ZNF808: variants seen among roughly 807,000 people sequenced by gnomAD.
ZNF808 encodes zinc finger protein 808.
Under a neutral mutation model 8.7 loss-of-function variants are expected in ZNF808, and 5 were observed. The observed-to-expected ratio is 0.58, with a 90% CI of 0.30 to 1.21. The LOEUF is 1.21. Among genes scored for constraint, ZNF808 ranks in the 50% most tolerant of loss-of-function variants. The pLI, the probability that ZNF808 is intolerant of heterozygous loss-of-function variation, is 0.07. For synonymous variants in ZNF808, 380 were observed against 366.0 expected, an observed-to-expected ratio of 1.04 and a Z score of -0.44; for missense variants, 1,103 against 1,098.4, an observed-to-expected ratio of 1.00 and a Z score of -0.06.
At chr19:52,566,556 G>T (rs1170308982), downstream of ZNF808, among the ~76,000 whole-genome samples, 1 of 152,108 alleles carries the variant, frequency 6.6e-6, no homozygotes, top group Non-Finnish European at 1.5e-5. Flanking sequence ...TAATTACATA[G>T]ATACACAAAA....
rs771661300 is a variant in ZNF808, at chr19:52,555,045, A to T, written c.2129A>T (p.Asn710Ile). 6.2e-7 allele frequency: 1 copy of T among 1,614,000 alleles called. No individual in the cohort carries two copies. The highest frequency in any genetic ancestry group is 1.1e-5 in the South Asian group (1 of 91,078). ...IHSGMKPYKC[N>I]ECSKTFSNRS... ...AGTGGAATGAAACCTTACAAGTGTA[A>T]TGAGTGCAGCAAGACCTTCAGTAAC... Residue 710 changes from asparagine (N) to isoleucine (I), a missense_variant, in exon 5 of 5, where the codon AAT becomes ATT. Asn to Ile is a moderately radical substitution (Grantham distance 149). Coordinates refer to ENST00000359798, the MANE Select transcript of ZNF808 (RefSeq NM_001039886.4).
chr19:52,561,411 C>T (rs926923872), intron 3 of ZNF808, among the ~76,000 whole-genome samples: 1 of 151,938 alleles, frequency 6.6e-6, no homozygotes, highest in Admixed American at 6.6e-5. Flanking sequence ...TGGCAGACTA[C>T]TGTGCTTAAA....
Position 52,553,857 on chromosome 19 carries a change from C to G in ZNF808, c.941C>G (p.Pro314Arg). The change falls in exon 5 of 5, where the codon CCT becomes CGT. Residue 314 changes from proline to arginine, a missense_variant. Physicochemically the swap from Pro to Arg is moderately radical, Grantham distance 103. Coordinates refer to ENST00000359798, the MANE Select transcript of ZNF808 (RefSeq NM_001039886.4). ...CHHRLHTGVK[P>R]YKCNECGKVF... ...CATAGACTTCATACTGGAGTAAAAC[C>G]TTACAAGTGTAATGAGTGTGGCAAG... The G allele has an allele frequency of 6.2e-7, 1 of 1,614,094 alleles. No homozygotes were observed. Among genetic ancestry groups the G allele is most frequent in the African/African-American group, 1.3e-5 (1 of 75,014 alleles).
At chr19:52,537,354 TGA>T (rs1054767348) in intron 2 of ZNF808, among the ~76,000 whole-genome samples, 2 of 145,164 alleles carry the variant, frequency 1.4e-5, no homozygotes, top group African/African-American at 2.6e-5. Context: ...AAGGGGAGAA[TGA>T]GAGATATGTA....
chr19:52,536,020 CGTGGA>C (rs1367527666), intron 2 of ZNF808: 1 of 166,018 alleles, frequency 6.0e-6, no homozygotes, highest in African/African-American at 2.4e-5. Flanking sequence ...AGGCGGATCG[CGTGGA>C]GTGAAGGTCG....
chr19:52,555,205 C>CA lies in ZNF808; in HGVS notation c.2291dup (p.Cys765ValfsTer2), dbSNP rs1394865898. Reference sequence around the variant, plus strand: ...GACTTCATAGTGGTGAGAAACCTTACAAGTGTAACGACTGTGGCAATACCT... The same window carrying CA: ...GACTTCATAGTGGTGAGAAACCTTACAAAGTGTAACGACTGTGGCAATACCT... On this transcript the variant is annotated frameshift_variant, in exon 5 of 5. Coordinates refer to ENST00000359798, the MANE Select transcript of ZNF808 (RefSeq NM_001039886.4). LOFTEE classifies it low-confidence loss of function (END_TRUNC). The CA allele has an allele frequency of 8.1e-6, 13 of 1,613,980 alleles. No homozygotes were observed. The highest frequency in any genetic ancestry group is 1.0e-5 in the Non-Finnish European group (12 of 1,180,012).
chr19:52,541,123 T>C (rs1205556623), intron 2 of ZNF808, among the ~76,000 whole-genome samples: 1 of 152,000 alleles, frequency 6.6e-6, no homozygotes, highest in Non-Finnish European at 1.5e-5. Context: ...GGCTAATTTG[T>C]GTATTTTTAG....
chr19:52,567,486 T>TTTTA (rs772687481), downstream of ZNF808, among the ~76,000 whole-genome samples: 6 of 37,200 alleles, frequency 1.6e-4, no homozygotes, highest in Non-Finnish European at 3.2e-4. Context: ...AGCTGTATTT[T>TTTTA]TTATTATTAT....
downstream of ZNF808, among the ~76,000 whole-genome samples, chr19:52,567,045 G>A (rs974431822): frequency 1.3e-5 from 2 of 150,426 alleles, no homozygotes; most frequent in African/African-American, 2.4e-5. Flanking sequence ...TCCACCTTCC[G>A]GGTTCAAGCG....
chr19:52,544,933 G>A (rs866059615), intron 3 of ZNF808, among the ~76,000 whole-genome samples: 1 of 152,088 alleles, frequency 6.6e-6, no homozygotes, highest in Non-Finnish European at 1.5e-5. Flanking sequence ...ACAGGCATTC[G>A]CTGTCACGCC....
At chr19:52,552,703 G>GT (rs33948596) in intron 4 of ZNF808, among the ~76,000 whole-genome samples, 69,351 of 140,936 alleles carry the variant, frequency 0.49, 17,077 homozygotes, top group Admixed American at 0.59. Flanking sequence ...ATGTTGTGTG[G>GT]TTTTTTTTTT....
intron 2 of ZNF808, among the ~76,000 whole-genome samples, chr19:52,534,715 C>T (rs1398198143): frequency 6.6e-6 from 1 of 151,918 alleles, no homozygotes; most frequent in Non-Finnish European, 1.5e-5. Context: ...ATGGTGAAAC[C>T]CCGTCTCTAC....
chr19:52,541,600 C>A (rs971488627), intron 2 of ZNF808, among the ~76,000 whole-genome samples: 2 of 151,708 alleles, frequency 1.3e-5, no homozygotes, highest in Non-Finnish European at 2.9e-5. Context: ...AAATGACTGA[C>A]AAAATACAGT....
intron 1 of ZNF808, among the ~76,000 whole-genome samples, chr19:52,532,674 C>G (rs1358101659): frequency 6.6e-6 from 1 of 152,046 alleles, no homozygotes; most frequent in African/African-American, 2.4e-5. Context: ...ATGTTTGTGC[C>G]CTGTCAGCGT....
chr19:52,533,975 T>C (rs2059583749), intron 2 of ZNF808, among the ~76,000 whole-genome samples: 1 of 151,982 alleles, frequency 6.6e-6, no homozygotes, highest in East Asian at 1.9e-4. Flanking sequence ...TTCTGAGCCT[T>C]GAGAGGAATG....
intron 1 of ZNF808, among the ~76,000 whole-genome samples, chr19:52,529,452 CAT>C (rs1285132039): frequency 1.3e-5 from 2 of 152,148 alleles, no homozygotes; most frequent in African/African-American, 4.8e-5. Flanking sequence ...TTAGTTGTGA[CAT>C]GTTGACTTCC....
At chr19:52,530,047 G>A (rs190855605) in intron 1 of ZNF808, among the ~76,000 whole-genome samples, 24 of 151,898 alleles carry the variant, frequency 1.6e-4, no homozygotes, top group Middle Eastern at 3.4e-3. Flanking sequence ...GGCCCACCGC[G>A]TCTGGCCTAC....
rs1480727768 is a variant in ZNF808 at position 52,554,451 on chromosome 19, A to C, written c.1535A>C (p.Lys512Thr). Residue 512 changes from lysine to threonine, a missense_variant, in exon 5 of 5, where the codon AAG becomes ACG. Transcript: ENST00000359798. ...CTTCATAGTGGTGAAAAACCTTACA[A>C]GTGTAATCAGTGTGGCAATACCTTC... The part of the protein sequence containing the change: ...RRLHSGEKPY[K>T]CNQCGNTFRH... 1.2e-6 allele frequency: 2 copies of C among 1,614,054 alleles called. No individual in the cohort carries two copies. The highest frequency in any genetic ancestry group is 2.7e-5 in the African/African-American group (2 of 74,924).
At chr19:52,537,145 C>A (rs138470465) in intron 2 of ZNF808, among the ~76,000 whole-genome samples, 1,987 of 151,912 alleles carry the variant, frequency 0.013, 40 homozygotes, top group African/African-American at 0.046. Context: ...GAGATCGCAC[C>A]ATTGCACTCC....
Sources: gnomAD v4.1 joint callset for allele counts (sites outside exome capture counted in the v4.1 genomes callset) on GRCh38, gnomAD v4.1.1 for gene constraint, MANE v1.5 for transcripts, NCBI Gene and HGNC (gene_info 2026-07-23, HGNC 2026-07-21) for gene names.